The following NT5DC4 variants were observed in gnomAD, a reference collection of about 807,000 sequenced individuals.
NT5DC4 encodes the protein 5'-nucleotidase domain-containing protein 4.
In NT5DC4, 44 loss-of-function variants were observed where a neutral mutation model predicts 26.6. The ratio of observed to expected loss-of-function variants is 1.65; its 90% CI spans 1.30 to 2.13. The LOEUF is 2.13. Among genes scored for constraint, NT5DC4 ranks in the 30% most tolerant of loss-of-function variants. The pLI is 0.00. For synonymous variants in NT5DC4, 157 were observed against 86.7 expected (o/e 1.81, Z -4.51); for missense variants, 399 against 228.1 (o/e 1.75, Z -4.83).
downstream of NT5DC4, chr2:112,740,811 T>C (rs928341227): frequency 1.3e-6 from 2 of 1,598,286 alleles, no homozygotes; most frequent in Non-Finnish European, 1.7e-6. Flanking sequence ...CTTTAGAGTT[T>C]GCTTACCTAG....
chr2:112,741,902 A>G (rs58965946), downstream of NT5DC4, among the ~76,000 whole-genome samples: 4,842 of 150,000 alleles, frequency 0.032, 270 homozygotes, highest in African/African-American at 0.11. Flanking sequence ...CTGGGATTAC[A>G]AGCACGCACC....
rs764255553 is a variant in NT5DC4 at position 112,738,904 on chromosome 2, T to G, written c.1345-9T>G. On this transcript the variant is annotated splice_polypyrimidine_tract_variant and intron_variant, in intron 16 of 16. Coordinates refer to ENST00000688554, the MANE Select transcript of NT5DC4 (RefSeq NM_001393655.1). ...ATATAAAACATTTTGTTTCTTCCAC[T>G]TCTAACAGTTCATCAAGAGAAGCCA... The G allele has an allele frequency of 6.2e-7, 1 of 1,614,136 alleles. No homozygotes were observed. The highest frequency in any genetic ancestry group is 1.1e-5 in the South Asian group (1 of 91,080).
upstream of NT5DC4, among the ~76,000 whole-genome samples, chr2:112,719,889 C>CCTTTCTTTCTTTTT (rs1294110799): frequency 7.8e-5 from 6 of 77,402 alleles, no homozygotes; most frequent in African/African-American, 2.4e-4. Flanking sequence ...TTCTTTCTTT[C>CCTTTCTTTCTTTTT]CTTTCTTTCT....
rs747286014 is a variant in NT5DC4, at chr2:112,725,162, C to T, written c.916-12C>T. ...GTTCTCCTGGCTCCAGGGCACCCCT[C>T]TGCCCCTCCAGGACTCAGGAAAGCT... On this transcript the variant is annotated splice_polypyrimidine_tract_variant and intron_variant, in intron 11 of 16. Coordinates refer to ENST00000688554, the MANE Select transcript of NT5DC4 (RefSeq NM_001393655.1). 6.7e-5 allele frequency: 48 copies of T among 713,930 alleles called. 1 individual carries two copies. The highest frequency in any genetic ancestry group is 3.7e-5 in the Non-Finnish European group (14 of 382,536). The allele number at this position is 713,930 out of a possible 1,614,324, so 44.2% of individuals were successfully genotyped here. A position where few individuals can be genotyped will look rare whatever the true frequency, so the allele number is the denominator to read the frequency against.
chr2:112,719,802 CTTTTCTTCA>C, upstream of NT5DC4, among the ~76,000 whole-genome samples: 1 of 149,568 alleles, frequency 6.7e-6, no homozygotes, highest in South Asian at 2.1e-4. Context: ...TCTTCCTTTC[CTTTTCTTCA>C]TTTCCTTTCC....
intron 15 of NT5DC4, among the ~76,000 whole-genome samples, chr2:112,729,085 G>A (rs1678137165): frequency 6.6e-6 from 1 of 152,162 alleles, no homozygotes; most frequent in Non-Finnish European, 1.5e-5. Context: ...AAGTGACAAG[G>A]CGAAACACTT....
intron 15 of NT5DC4, 102 bp from the exon 16 acceptor site, chr2:112,729,522 GGAA>G (rs1678212772): frequency 4.4e-6 from 3 of 680,988 alleles, no homozygotes; most frequent in Admixed American, 2.1e-5. Context: ...TCGTTGGGCA[GGAA>G]GTTGGCAGCT....
chr2:112,729,942 A>G (rs183803812), intron 16 of NT5DC4, among the ~76,000 whole-genome samples: 8 of 152,320 alleles, frequency 5.3e-5, no homozygotes, highest in Non-Finnish European at 1.0e-4. Flanking sequence ...TTGATACTTT[A>G]AATTATAGAG....
chr2:112,719,975 TTTCTTTC>T (rs1558715563), upstream of NT5DC4, among the ~76,000 whole-genome samples: 7 of 99,364 alleles, frequency 7.0e-5, no homozygotes, highest in African/African-American at 1.8e-4. Context: ...TCTTTCTTTC[TTTCTTTC>T]TTTCTTTTTC....
At chr2:112,727,928 C>T (rs908550) in intron 15 of NT5DC4, among the ~76,000 whole-genome samples, 149,107 of 152,354 alleles carry the variant, frequency 0.98, 73,045 homozygotes, top group East Asian at 1. Flanking sequence ...CTGCCTCGAC[C>T]TCCTGTACTT....
intron 10 of NT5DC4, 84 bp from the exon 11 acceptor site, chr2:112,724,697 G>C: frequency 1.5e-6 from 1 of 687,244 alleles, no homozygotes; most frequent in Non-Finnish European, 2.7e-6. Flanking sequence ...TTGGTGGGGA[G>C]AGGCAGGCTG....
intron 15 of NT5DC4, among the ~76,000 whole-genome samples, chr2:112,728,507 C>T (rs1451593458): frequency 6.6e-6 from 1 of 152,166 alleles, no homozygotes; most frequent in Non-Finnish European, 1.5e-5. Flanking sequence ...CTGCACGTGT[C>T]AGTCCTCCCA....
Position 112,723,477 on chromosome 2 carries a change from C to T in NT5DC4, c.672+9C>T, listed in dbSNP as rs1307259113. On this transcript the variant is annotated intron_variant, in intron 8 of 16. Coordinates refer to ENST00000688554, the MANE Select transcript of NT5DC4 (RefSeq NM_001393655.1). ...AATATGTGAAGAAGGATGTGAGTGG[C>T]CACAGACCCAGGGCCATGGCCATCA... The T allele has an allele frequency of 2.8e-6, 2 of 716,926 alleles. No homozygotes were observed. The highest frequency in any genetic ancestry group is 1.7e-5 in the African/African-American group (1 of 57,248). 44.4% of individuals were successfully genotyped at this position (716,926 alleles called of 1,614,324 possible). A position where few individuals can be genotyped will look rare whatever the true frequency, so the allele number is the denominator to read the frequency against.
chr2:112,739,799 C>T (rs990766057), downstream of NT5DC4, among the ~76,000 whole-genome samples: 1 of 152,272 alleles, frequency 6.6e-6, no homozygotes, highest in Admixed American at 6.5e-5. Flanking sequence ...GGAGCACAAA[C>T]GTATGCCAGC....
At chr2:112,740,190 TG>T (rs1376921936), downstream of NT5DC4, among the ~76,000 whole-genome samples, 1 of 152,210 alleles carries the variant, frequency 6.6e-6, no homozygotes, top group East Asian at 1.9e-4. Context: ...ATGAGCTGAC[TG>T]TAGTGGGAAA....
downstream of NT5DC4, chr2:112,742,680 G>C (rs765968456): frequency 7.0e-7 from 1 of 1,429,936 alleles, no homozygotes; most frequent in East Asian, 2.3e-5. Flanking sequence ...TAGAGAAGAT[G>C]AATTTAAATT....
Position 112,723,124 on chromosome 2 carries a change from C to T in NT5DC4, c.571C>T (p.Arg191Ter), listed in dbSNP as rs1025554381. 8 of 717,128 alleles carry T rather than the reference C, an allele frequency of 1.1e-5. No homozygotes were observed. Among genetic ancestry groups the T allele is most frequent in the South Asian group, 4.4e-5 (3 of 67,594 alleles). The allele number at this position is 717,128 out of a possible 1,614,324, so 44.4% of individuals were successfully genotyped here. The change falls in exon 7 of 17, where the codon CGA becomes TGA. Residue 191 changes from arginine (R) to a stop codon, truncating the protein, a stop_gained. Transcript: ENST00000688554. LOFTEE classifies it high-confidence loss of function. Reference protein sequence around the residue: ...YQHGNLFMSFRSLFQDVTDAM... With the variant: ...YQHGNLFMSF ...GCATGGGAACCTCTTCATGTCCTTC[C>T]GAAGCCTCTTCCAGGATGTGACTGA...
downstream of NT5DC4, among the ~76,000 whole-genome samples, chr2:112,741,415 C>T (rs1679954480): frequency 6.6e-6 from 1 of 152,190 alleles, no homozygotes; most frequent in African/African-American, 2.4e-5. Flanking sequence ...TCCCATTCCT[C>T]CCCAGGATGA....
chr2:112,727,156 A>G, intron 15 of NT5DC4: 2 of 207,358 alleles, frequency 9.6e-6, no homozygotes, highest in Non-Finnish European at 1.0e-5. Context: ...GGCCACCAAA[A>G]AGCTGGAGGT....
Sources: allele counts gnomAD v4.1 joint callset (sites outside exome capture counted in the v4.1 genomes callset), GRCh38; gene constraint gnomAD v4.1.1; transcripts MANE v1.5; gene names NCBI Gene and HGNC (gene_info 2026-07-23, HGNC 2026-07-21).